MMS22L: variants seen among roughly 807,000 people sequenced by gnomAD.
MMS22L encodes MMS22 like, DNA repair protein, also known as protein MMS22-like.
A neutral mutation model predicts 159.1 loss-of-function variants in MMS22L; 74 were observed. The observed-to-expected ratio is 0.47, with a 90% confidence interval of 0.39 to 0.56. MMS22L has a LOEUF of 0.56. Among genes scored for constraint, MMS22L ranks in the 20% least tolerant of loss-of-function variants. The pLI, the probability that MMS22L is intolerant of heterozygous loss-of-function variation, is 0.00. For missense variants in MMS22L, 1,351 were observed against 1,422.1 expected (o/e 0.95, Z 0.80); for synonymous variants, 517 against 506.9 (o/e 1.02, Z -0.27).
chr6:97,279,749 G>A (rs1323039924), intron 3 of MMS22L, among the ~76,000 whole-genome samples: 1 of 150,006 alleles, frequency 6.7e-6, no homozygotes, highest in African/African-American at 2.5e-5. Flanking sequence ...TCACCCCACT[G>A]CACTCCAGCC....
At chr6:97,235,645 C>G (rs757356627) in intron 11 of MMS22L, among the ~76,000 whole-genome samples, 1 of 152,154 alleles carries the variant, frequency 6.6e-6, no homozygotes, top group Non-Finnish European at 1.5e-5. Flanking sequence ...TTGGAAGAAA[C>G]AATATGGAAG....
rs868367051 is a variant in MMS22L, at chr6:97,233,951, C to T, written c.1212G>A (p.Met404Ile). 2 of 1,609,448 alleles carry T rather than the reference C, an allele frequency of 1.2e-6. No homozygotes were observed. Among genetic ancestry groups the T allele is most frequent in the Non-Finnish European group, 1.7e-6 (2 of 1,178,198 alleles). The change falls in exon 12 of 25, where the codon ATG (methionine) becomes ATA (isoleucine). Residue 404 changes from methionine (M) to isoleucine (I), a missense_variant. Physicochemically the swap from Met to Ile is conservative, Grantham distance 10. Transcript: ENST00000683635. ...QGVILEEQLR[M>I]YLHCCLTLCD... is the part of the protein sequence containing the mutation. The stretch of plus-strand genomic sequence containing the variant: ...AAAGTGTCAAACAACAGTGAAGATA[C>T]ATTCGTAATTGTTCTTCTAGAATGA...
chr6:97,150,281 A>C (rs1435226912), intron 23 of MMS22L, among the ~76,000 whole-genome samples: 1 of 152,042 alleles, frequency 6.6e-6, no homozygotes, highest in Non-Finnish European at 1.5e-5. Flanking sequence ...TGGGAGGGAG[A>C]AGAAGGGGTA....
At chr6:97,204,812 AAT>A (rs1298843179) in intron 14 of MMS22L, among the ~76,000 whole-genome samples, 3 of 151,004 alleles carry the variant, frequency 2.0e-5, no homozygotes, top group Non-Finnish European at 2.9e-5. Flanking sequence ...AAAAAAAAAA[AAT>A]CAACTATAAT....
At position 97,153,364 on chromosome 6, in the gene MMS22L, C is replaced by CTTTTTT. The variant is rs59258093; in HGVS notation, c.3386-1503_3386-1498dup. Among the ~76,000 whole-genome samples the CTTTTTT allele has an allele frequency of 4.5e-4, 35 of 78,090 alleles. 1 individual carries two copies. Among genetic ancestry groups the CTTTTTT allele is most frequent in the African/African-American group, 9.4e-4 (17 of 18,112 alleles). 51.2% of individuals were successfully genotyped at this position (78,090 alleles called of 152,430 possible). A position where few individuals can be genotyped will look rare whatever the true frequency, so the allele number is the denominator to read the frequency against. Reference sequence around the variant, plus strand: ...TAACCTACTTTCTGTCTCTACAGATCTTTTTTTTTTTTTTTTTTTTTTTTT... The same window carrying CTTTTTT: ...TAACCTACTTTCTGTCTCTACAGATCTTTTTTTTTTTTTTTTTTTTTTTTTTTTTTT... On this transcript the variant is annotated intron_variant, in intron 22 of 24. Transcript: ENST00000683635.
intron 16 of MMS22L, among the ~76,000 whole-genome samples, chr6:97,180,344 G>A (rs908729244): frequency 6.6e-6 from 1 of 151,978 alleles, no homozygotes; most frequent in African/African-American, 2.4e-5. Context: ...CTTATGATCC[G>A]CCTGCCTTGT....
rs528647612 is a variant in MMS22L at position 97,155,681 on chromosome 6, T to C, written c.3386-3814A>G. On this transcript the variant is annotated intron_variant, in intron 22 of 24. Transcript: ENST00000683635. Reference sequence around the variant, plus strand: ...TGGCTGCATAGTATTCCATGGTGTATATATGTCACATTTTCTTTATTCAGT... The same window carrying C: ...TGGCTGCATAGTATTCCATGGTGTACATATGTCACATTTTCTTTATTCAGT... Among the ~76,000 whole-genome samples the C allele has an allele frequency of 3.9e-5, 6 of 152,344 alleles. No individual in the cohort carries two copies. The East Asian group carries it at 1.2e-3, about 29-fold the overall frequency.
At chr6:97,214,942 C>T (rs903596927) in intron 14 of MMS22L, among the ~76,000 whole-genome samples, 13 of 150,954 alleles carry the variant, frequency 8.6e-5, no homozygotes, top group African/African-American at 3.1e-4. Flanking sequence ...GTTGAGGCCC[C>T]CTGAAAGAAT....
At chr6:97,224,963 G>T (rs992580774) in intron 14 of MMS22L, among the ~76,000 whole-genome samples, 3 of 152,218 alleles carry the variant, frequency 2.0e-5, no homozygotes, top group Admixed American at 2.0e-4. Flanking sequence ...GGCAGCTGTG[G>T]TATAGTTGGT....
At chr6:97,271,235 T>G (rs1378524372) in intron 6 of MMS22L, 2 of 152,146 alleles carry the variant, frequency 1.3e-5, no homozygotes, top group African/African-American at 4.8e-5. Context: ...GATTTTTTAT[T>G]TTTTGAAGAC....
At chr6:97,220,957 GACACACACACACACACACACAC>G (rs71012586) in intron 14 of MMS22L, among the ~76,000 whole-genome samples, 3 of 143,502 alleles carry the variant, frequency 2.1e-5, no homozygotes, top group African/African-American at 5.2e-5. Flanking sequence ...TAAGACCCCT[GACACACACACACACACACACAC>G]ACACACACAC....
chr6:97,180,744 T>C (rs1471352984), intron 16 of MMS22L, among the ~76,000 whole-genome samples: 2 of 152,194 alleles, frequency 1.3e-5, no homozygotes, highest in African/African-American at 4.8e-5. Flanking sequence ...ATATAAATGT[T>C]CATTACTATT....
chr6:97,170,619 T>C (rs918493598), intron 19 of MMS22L, among the ~76,000 whole-genome samples: 4 of 152,202 alleles, frequency 2.6e-5, no homozygotes, highest in Non-Finnish European at 5.9e-5. Context: ...TTCTATCCTA[T>C]GTATTTTGCC....
rs1278755774 is a variant in MMS22L at position 97,174,675 on chromosome 6, C to CA, written c.2680-1454dup. Among the ~76,000 whole-genome samples the CA allele has an allele frequency of 2.6e-5, 4 of 152,136 alleles. No homozygotes were observed. The East Asian group carries it at 7.7e-4, about 29-fold the overall frequency. The stretch of plus-strand genomic sequence containing the variant: ...CAGATGATGGTAGTCAATGAGCTTT[C>CA]AGATGCTCCAAGAGATTCCACTGCT... On this transcript the variant is annotated intron_variant, in intron 18 of 24. Transcript: ENST00000683635.
At chr6:97,160,067 CTA>C (rs1334579660) in intron 22 of MMS22L, among the ~76,000 whole-genome samples, 1 of 142,722 alleles carries the variant, frequency 7.0e-6, no homozygotes, top group African/African-American at 2.6e-5. Context: ...TGATAAAATA[CTA>C]TATTTCTATA....
intron 14 of MMS22L, among the ~76,000 whole-genome samples, chr6:97,204,995 G>A (rs1168953178): frequency 7.7e-6 from 1 of 129,120 alleles, no homozygotes; most frequent in African/African-American, 2.9e-5. Flanking sequence ...CCTGGCTGGA[G>A]TGCAATGGCG....
intron 21 of MMS22L, among the ~76,000 whole-genome samples, chr6:97,164,616 T>G (rs183422051): frequency 6.6e-6 from 1 of 152,078 alleles, no homozygotes; most frequent in Non-Finnish European, 1.5e-5. Context: ...AAAATATAAT[T>G]ACTGTATTTT....
rs1352417789 is a variant in MMS22L, at chr6:97,263,671, A to T, written c.829-223T>A. ...TAATTTGATTTCAACTTAAAAAAAAATTTTAATCATCTAGTGCCGTGGTCA... is the reference window on the plus strand; with the variant it reads ...TAATTTGATTTCAACTTAAAAAAAATTTTTAATCATCTAGTGCCGTGGTCA... On this transcript the variant is annotated intron_variant, in intron 8 of 24. Coordinates refer to ENST00000683635, the MANE Select transcript of MMS22L (RefSeq NM_001350599.2). 43 of 352,574 alleles carry T rather than the reference A, an allele frequency of 1.2e-4. No individual in the cohort carries two copies. In the East Asian group the frequency reaches 2.2e-3, roughly 18 times the overall value. The allele number at this position is 352,574 out of a possible 1,614,324, so 21.8% of individuals were successfully genotyped here.
chr6:97,218,605 A>G (rs1337810707), intron 14 of MMS22L, among the ~76,000 whole-genome samples: 1 of 152,192 alleles, frequency 6.6e-6, no homozygotes, highest in Admixed American at 6.5e-5. Context: ...TTTTTCATGA[A>G]TATGTCTCCC....
Sources: gnomAD v4.1 joint callset for allele counts (sites outside exome capture counted in the v4.1 genomes callset) on GRCh38, gnomAD v4.1.1 for gene constraint, MANE v1.5 for transcripts, NCBI Gene and HGNC (gene_info 2026-07-23, HGNC 2026-07-21) for gene names.